Variants in MAST4 observed in about 807,000 individuals in gnomAD.
MAST4 encodes the protein microtubule-associated serine/threonine-protein kinase 4.
In MAST4, 89 loss-of-function variants were observed where a neutral mutation model predicts 162.7. The observed-to-expected ratio is 0.55, with a 90% CI of 0.46 to 0.65. MAST4 has a LOEUF of 0.65. MAST4 is among the 30% of genes least tolerant of loss of function. The pLI is 0.00. For missense variants in MAST4, 3,153 were observed against 3,374.0 expected, an observed-to-expected ratio of 0.93 and a Z score of 1.62; for synonymous variants, 1,479 against 1,361.1, an observed-to-expected ratio of 1.09 and a Z score of -1.91.
chr5:66,876,097 T>C (rs16895784), intron 3 of MAST4, among the ~76,000 whole-genome samples: 8,057 of 152,264 alleles, frequency 0.053, 706 homozygotes, highest in African/African-American at 0.18. Context: ...AAAAAAATGC[T>C]TATCGTACAC....
chr5:66,717,716 A>G (rs1023318049), intron 1 of MAST4, among the ~76,000 whole-genome samples: 27 of 152,216 alleles, frequency 1.8e-4, no homozygotes, highest in Non-Finnish European at 3.4e-4. Context: ...ATTGAAGTCT[A>G]AGGTGTTGTT....
At chr5:66,854,269 CTATT>C (rs1328782267) in intron 3 of MAST4, among the ~76,000 whole-genome samples, 1 of 152,126 alleles carries the variant, frequency 6.6e-6, no homozygotes, top group African/African-American at 2.4e-5. Flanking sequence ...TTTGCCTAGA[CTATT>C]TATCCATATT....
intron 4 of MAST4, among the ~76,000 whole-genome samples, chr5:66,939,868 G>A (rs1015541253): frequency 1.3e-5 from 2 of 151,976 alleles, no homozygotes; most frequent in East Asian, 1.9e-4. Context: ...AAACTATACT[G>A]TAGTCTATTA....
At chr5:67,096,288 C>A (rs1489993344) in intron 7 of MAST4, among the ~76,000 whole-genome samples, 1 of 152,056 alleles carries the variant, frequency 6.6e-6, no homozygotes, top group African/African-American at 2.4e-5. Context: ...AGAGACCTAG[C>A]AATTACTGGA....
At chr5:66,871,168 G>A (rs1020622903) in intron 3 of MAST4, among the ~76,000 whole-genome samples, 30 of 152,140 alleles carry the variant, frequency 2.0e-4, no homozygotes, top group Non-Finnish European at 7.4e-5. Context: ...GCTGGGAAGA[G>A]AGGCCCAGTG....
intron 1 of MAST4, among the ~76,000 whole-genome samples, chr5:66,614,791 G>A (rs539507985): frequency 2.1e-4 from 32 of 152,140 alleles, no homozygotes; most frequent in Non-Finnish European, 4.1e-4. Flanking sequence ...GGGACCTCAC[G>A]GGACACATGC....
At chr5:66,965,013 A>G (rs1364216779) in intron 4 of MAST4, among the ~76,000 whole-genome samples, 1 of 152,196 alleles carries the variant, frequency 6.6e-6, no homozygotes, top group Non-Finnish European at 1.5e-5. Context: ...TCATATTTCT[A>G]AAGTAAGGCC....
Position 67,054,395 on chromosome 5 carries a change from T to C in MAST4, c.675-9T>C, listed in dbSNP as rs768956914. 3.1e-6 allele frequency: 5 copies of C among 1,594,966 alleles called. No homozygotes were observed. The South Asian group carries it at 5.7e-5, about 18-fold the overall frequency. On this transcript the variant is annotated splice_polypyrimidine_tract_variant and intron_variant, in intron 4 of 28. Coordinates refer to ENST00000403625, the MANE Select transcript of MAST4 (RefSeq NM_001164664.2). ...TTTTTAAACTTTGTTTTTTCTTTCT[T>C]TTTGATAGTTGCCGAACAAGCAACC... is the stretch of plus-strand genomic sequence containing the variant.
chr5:67,046,639 T>C (rs1757405669), intron 4 of MAST4, among the ~76,000 whole-genome samples: 1 of 152,232 alleles, frequency 6.6e-6, no homozygotes, highest in Non-Finnish European at 1.5e-5. Flanking sequence ...TCTTTTCTTC[T>C]ATGAAGACAG....
intron 4 of MAST4, chr5:67,004,957 T>G (rs764568717): frequency 9.4e-6 from 7 of 745,168 alleles, no homozygotes; most frequent in Non-Finnish European, 1.8e-5. Flanking sequence ...TTTAGTCATA[T>G]GGCCTTGAAC....
chr5:66,777,244 A>G (rs995811988), intron 2 of MAST4, among the ~76,000 whole-genome samples: 1 of 152,202 alleles, frequency 6.6e-6, no homozygotes, highest in Admixed American at 6.5e-5. Context: ...CCAGTGCTGG[A>G]AAGAATTTGA....
chr5:67,090,233 T>A lies in MAST4; in HGVS notation c.833+2T>A. On this transcript the variant is annotated splice_donor_variant, in intron 6 of 28. Transcript: ENST00000403625. LOFTEE classifies it high-confidence loss of function. Reference sequence around the variant, plus strand: ...AGCCCATTTTTCATTTGCACGGAGGTAAGGACTTTTTGTGAGTGGAGGCAT... The same window carrying A: ...AGCCCATTTTTCATTTGCACGGAGGAAAGGACTTTTTGTGAGTGGAGGCAT... 6.2e-7 allele frequency: 1 copy of A among 1,610,630 alleles called. No individual in the cohort carries two copies. The highest frequency in any genetic ancestry group is 8.5e-7 in the Non-Finnish European group (1 of 1,177,750).
chr5:67,078,886 TTATA>T (rs1380344149), intron 5 of MAST4, among the ~76,000 whole-genome samples: 1 of 76,426 alleles, frequency 1.3e-5, no homozygotes, highest in Non-Finnish European at 2.3e-5. Context: ...ATAAATATAT[TTATA>T]TATTTATATA....
At chr5:66,907,184 AG>A (rs1763417088) in intron 4 of MAST4, among the ~76,000 whole-genome samples, 2 of 148,218 alleles carry the variant, frequency 1.3e-5, no homozygotes, top group Non-Finnish European at 3.0e-5. Context: ...AGAGAGAGAG[AG>A]AGAGAGAGAG....
intron 2 of MAST4, among the ~76,000 whole-genome samples, chr5:66,770,776 A>G (rs755724795): frequency 3.3e-5 from 5 of 152,194 alleles, no homozygotes; most frequent in Non-Finnish European, 7.3e-5. Context: ...TCATTAGCAA[A>G]TTGGCACTTC....
intron 3 of MAST4, among the ~76,000 whole-genome samples, chr5:66,898,337 AG>A (rs1221890043): frequency 2.0e-5 from 3 of 152,228 alleles, no homozygotes; most frequent in Admixed American, 2.0e-4. Flanking sequence ...TATTACTTCT[AG>A]GAAGTTCTCT....
At position 67,149,567 on chromosome 5, in the gene MAST4, T is replaced by G. The variant is rs1303441210; in HGVS notation, c.3273T>G (p.Ala1091=). 1 of 1,613,698 alleles carries G rather than the reference T, an allele frequency of 6.2e-7. No homozygotes were observed. The highest frequency in any genetic ancestry group is 1.7e-5 in the Admixed American group (1 of 60,008). ...TCACAAAGTCCCTCTCTGCCAGTGC[T>G]CTTTCCCTCATGATCCCAGGAGGTA... The part of the protein sequence containing the change: ...GKVTKSLSAS[A]LSLMIPGDMF... The change falls in exon 24 of 29, where the codon GCT becomes GCG. Residue 1091 remains alanine, a synonymous_variant. Transcript: ENST00000403625.
At chr5:66,606,640 G>C (rs186981158) in intron 1 of MAST4, among the ~76,000 whole-genome samples, 1 of 152,156 alleles carries the variant, frequency 6.6e-6, no homozygotes, top group Non-Finnish European at 1.5e-5. Context: ...AGTTTGCACA[G>C]CCTTTTCTCA....
At chr5:66,728,566 CATG>C (rs1281240751) in intron 1 of MAST4, among the ~76,000 whole-genome samples, 24 of 152,150 alleles carry the variant, frequency 1.6e-4, no homozygotes, top group African/African-American at 5.8e-4. Flanking sequence ...AAATTTTAGA[CATG>C]AGATTTATTT....
Sources: allele counts gnomAD v4.1 joint callset (sites outside exome capture counted in the v4.1 genomes callset), GRCh38; gene constraint gnomAD v4.1.1; transcripts MANE v1.5; gene names NCBI Gene and HGNC (gene_info 2026-07-23, HGNC 2026-07-21).